Variants in CSMD1 observed in about 807,000 individuals in gnomAD.
CSMD1 encodes CUB and sushi domain-containing protein 1.
In CSMD1, 213 loss-of-function variants were observed where a neutral mutation model predicts 417.5. That is an observed-to-expected ratio of 0.51 (90% CI 0.46 to 0.57). CSMD1 has a LOEUF of 0.57. CSMD1 is among the 20% of genes least tolerant of loss of function. CSMD1 has a pLI of 0.00. For synonymous variants in CSMD1, 2,862 were observed against 1,736.8 expected, an observed-to-expected ratio of 1.65 and a Z score of -16.11; for missense variants, 6,923 against 4,529.7, an observed-to-expected ratio of 1.53 and a Z score of -15.17.
intron 1 of CSMD1, among the ~76,000 whole-genome samples, chr8:4,786,605 C>A (rs1006642680): frequency 6.6e-6 from 1 of 152,154 alleles, no homozygotes; most frequent in Non-Finnish European, 1.5e-5. Flanking sequence ...CATCAACATT[C>A]GTAAGATGAT....
chr8:4,127,977 C>T lies in CSMD1; in HGVS notation c.416-95878G>A, dbSNP rs1432316056. 3.9e-5 allele frequency among the ~76,000 whole-genome samples: 6 copies of T among 152,260 alleles called. No individual in the cohort carries two copies. In the South Asian group the frequency reaches 1.0e-3, roughly 26 times the overall value. ...CAAAGCCTTGTGATATTGGTAAATG[C>T]CACTGCTTTGGGAAAGGGATGCTGT... On this transcript the variant is annotated intron_variant, in intron 3 of 69. Transcript: ENST00000635120.
intron 1 of CSMD1, among the ~76,000 whole-genome samples, chr8:4,756,412 T>C (rs915915948): frequency 6.6e-6 from 1 of 152,166 alleles, no homozygotes; most frequent in African/African-American, 2.4e-5. Context: ...TGAAGAACAG[T>C]GGTGAGTTCA....
chr8:4,504,432 T>C (rs1422224394), intron 2 of CSMD1, among the ~76,000 whole-genome samples: 1 of 152,214 alleles, frequency 6.6e-6, no homozygotes, highest in African/African-American at 2.4e-5. Context: ...CAATAGTGGG[T>C]TGTACACTTA....
At chr8:3,894,495 T>G (rs542436430) in intron 5 of CSMD1, among the ~76,000 whole-genome samples, 38 of 152,256 alleles carry the variant, frequency 2.5e-4, no homozygotes, top group African/African-American at 8.9e-4. Context: ...CTACAAGTAG[T>G]TTTAACATTT....
intron 3 of CSMD1, among the ~76,000 whole-genome samples, chr8:4,236,103 C>G (rs34879095): frequency 6.9e-6 from 1 of 144,366 alleles, no homozygotes; most frequent in Non-Finnish European, 1.5e-5. Context: ...CCTGTAGGCC[C>G]AGCACAGGGC....
At chr8:4,296,129 T>C (rs1354938506) in intron 3 of CSMD1, among the ~76,000 whole-genome samples, 1 of 151,992 alleles carries the variant, frequency 6.6e-6, no homozygotes, top group East Asian at 1.9e-4. Flanking sequence ...AAAACCACAA[T>C]AAGAAGCGAA....
intron 5 of CSMD1, among the ~76,000 whole-genome samples, chr8:3,956,112 C>T (rs1273727700): frequency 2.0e-5 from 3 of 152,266 alleles, no homozygotes; most frequent in East Asian, 3.9e-4. Flanking sequence ...CCTTTCTAAC[C>T]CTTTTAAGTT....
intron 25 of CSMD1, among the ~76,000 whole-genome samples, chr8:3,294,345 A>C (rs2117297653): frequency 1.3e-5 from 2 of 152,292 alleles, no homozygotes; most frequent in Middle Eastern, 6.8e-3. Context: ...TACGCTCTTC[A>C]AAGCTGTCAG....
chr8:4,355,831 C>T (rs947362396), intron 3 of CSMD1, among the ~76,000 whole-genome samples: 1 of 152,184 alleles, frequency 6.6e-6, no homozygotes, highest in Non-Finnish European at 1.5e-5. Context: ...TTTCTAGATT[C>T]CAGGCCGAAA....
intron 41 of CSMD1, among the ~76,000 whole-genome samples, chr8:3,126,145 C>A (rs1434296038): frequency 6.6e-6 from 1 of 152,098 alleles, no homozygotes; most frequent in Non-Finnish European, 1.5e-5. Context: ...CCACTTAATC[C>A]CAGGAGGCTC....
At chr8:3,161,102 C>G (rs1002234613) in intron 38 of CSMD1, among the ~76,000 whole-genome samples, 12 of 152,128 alleles carry the variant, frequency 7.9e-5, no homozygotes, top group Non-Finnish European at 8.8e-5. Context: ...GAATGTCAAT[C>G]GACCTATATA....
intron 7 of CSMD1, among the ~76,000 whole-genome samples, chr8:3,637,823 G>A (rs1563221511): frequency 6.6e-6 from 1 of 152,100 alleles, no homozygotes; most frequent in Non-Finnish European, 1.5e-5. Context: ...AATCTTGGGG[G>A]CCAGTATTTC....
intron 5 of CSMD1, among the ~76,000 whole-genome samples, chr8:3,860,024 G>A (rs1804587068): frequency 6.6e-6 from 1 of 152,200 alleles, no homozygotes; most frequent in South Asian, 2.1e-4. Context: ...TGAGAAGTAA[G>A]AATGTGCTTG....
At chr8:3,521,503 T>C (rs1220227077) in intron 10 of CSMD1, among the ~76,000 whole-genome samples, 1 of 152,166 alleles carries the variant, frequency 6.6e-6, no homozygotes, top group African/African-American at 2.4e-5. Flanking sequence ...TGCCGGTCCC[T>C]GTATTACAAT....
At chr8:3,725,265 T>C (rs967179013) in intron 6 of CSMD1, among the ~76,000 whole-genome samples, 8 of 152,114 alleles carry the variant, frequency 5.3e-5, no homozygotes, top group Admixed American at 4.6e-4. Context: ...AGGTAACCAA[T>C]GAGTTTGGCA....
At chr8:4,912,020 C>A (rs1403333677) in intron 1 of CSMD1, among the ~76,000 whole-genome samples, 1 of 150,384 alleles carries the variant, frequency 6.6e-6, no homozygotes, top group Non-Finnish European at 1.5e-5. Flanking sequence ...TCTTCTGTAA[C>A]CTTTATTAAA....
At chr8:3,764,881 G>A (rs567952312) in intron 5 of CSMD1, among the ~76,000 whole-genome samples, 1 of 151,738 alleles carries the variant, frequency 6.6e-6, no homozygotes, top group Non-Finnish European at 1.5e-5. Flanking sequence ...CAAGTAGTTG[G>A]GATTAAGGTG....
At chr8:3,497,638 G>T (rs1325303403) in intron 10 of CSMD1, among the ~76,000 whole-genome samples, 6 of 152,130 alleles carry the variant, frequency 3.9e-5, no homozygotes, top group Non-Finnish European at 7.4e-5. Context: ...TTTGGTTTCT[G>T]TTTGCATGGA....
chr8:4,574,317 G>A (rs1799034315), intron 2 of CSMD1, among the ~76,000 whole-genome samples: 1 of 152,156 alleles, frequency 6.6e-6, no homozygotes, highest in African/African-American at 2.4e-5. Flanking sequence ...ATGCTATCTG[G>A]GCTGGATAGC....
Sources: allele counts gnomAD v4.1 joint callset (sites outside exome capture counted in the v4.1 genomes callset), GRCh38; gene constraint gnomAD v4.1.1; transcripts MANE v1.5; gene names NCBI Gene and HGNC (gene_info 2026-07-23, HGNC 2026-07-21).